POLD3: variants seen among roughly 807,000 people sequenced by gnomAD.
POLD3 encodes the protein DNA polymerase delta 3, accessory subunit.
A neutral mutation model predicts 58.2 loss-of-function variants in POLD3; 19 were observed. The ratio of observed to expected loss-of-function variants is 0.33; its 90% CI spans 0.23 to 0.48. POLD3 has a LOEUF of 0.48. Among genes scored for constraint, POLD3 ranks in the 20% least tolerant of loss-of-function variants. The pLI, the probability that POLD3 is intolerant of heterozygous loss-of-function variation, is 0.99. For missense variants in POLD3, 504 were observed against 545.5 expected (o/e 0.92, Z 0.76); for synonymous variants, 172 against 193.5 (o/e 0.89, Z 0.92).
intron 4 of POLD3, among the ~76,000 whole-genome samples, chr11:74,664,006 A>C (rs1443300993): frequency 6.6e-6 from 1 of 152,250 alleles, no homozygotes; most frequent in Non-Finnish European, 1.5e-5. Flanking sequence ...ATAAAGGAAG[A>C]TATACCAATG....
At position 74,642,650 on chromosome 11, in the gene POLD3, G is replaced by GGT. The variant is rs71036005; in HGVS notation, c.*1887_*1888dup. 57,412 of 979,284 alleles carry GGT rather than the reference G, an allele frequency of 0.059. 1,253 individuals carry two copies. The highest frequency in any genetic ancestry group is 0.17 in the South Asian group (3,516 of 20,930). The allele number at this position is 979,284 out of a possible 1,614,324, so 60.7% of individuals were successfully genotyped here. On this transcript the variant is annotated 3_prime_UTR_variant, in exon 12 of 12. Coordinates refer to ENST00000263681, the MANE Select transcript of POLD3 (RefSeq NM_006591.3). ...CTGCAAGGCTTAGTAAGTATTGAGT[G>GGT]GTGTTTTTTTTTTCTTTTTATACAA...
chr11:74,592,651 G>C lies in POLD3; in HGVS notation c.-8G>C, dbSNP rs376647679. ...GGGGTTAGAGGCGGGTCCCAGCGCT[G>C]CCGCACCATGGCGGACCAGCTTTAT... On this transcript the variant is annotated 5_prime_UTR_variant, in exon 1 of 12. Coordinates refer to ENST00000263681, the MANE Select transcript of POLD3 (RefSeq NM_006591.3). 3 of 1,609,388 alleles carry C rather than the reference G, an allele frequency of 1.9e-6. No homozygotes were observed. Among genetic ancestry groups the C allele is most frequent in the Non-Finnish European group, 1.7e-6 (2 of 1,177,794 alleles).
At position 74,613,002 on chromosome 11, in the gene POLD3, C is replaced by T; in HGVS notation, c.384C>T (p.Asn128=). The change falls in exon 5 of 12, where the codon AAC becomes AAT. Residue 128 remains asparagine (N), a synonymous_variant. Coordinates refer to ENST00000263681, the MANE Select transcript of POLD3 (RefSeq NM_006591.3). ...ACATCCTTAAAAGCAACTTGCAGAACTGCAGCAAGTAAGCGTCTTAATGTT... is the reference window on the plus strand; with the variant it reads ...ACATCCTTAAAAGCAACTTGCAGAATTGCAGCAAGTAAGCGTCTTAATGTT... The part of the protein sequence containing the change: ...DYDILKSNLQ[N]CSKFSAIQCA... The T allele has an allele frequency of 6.2e-7, 1 of 1,609,072 alleles. No individual in the cohort carries two copies. The highest frequency in any genetic ancestry group is 8.5e-7 in the Non-Finnish European group (1 of 1,178,532).
At position 74,649,285 on chromosome 11, in the gene POLD3, A is replaced by G. The variant is rs1755254301; in HGVS notation, c.369+13010A>G. Among the ~76,000 whole-genome samples the G allele has an allele frequency of 2.0e-5, 3 of 152,182 alleles. No homozygotes were observed. In the South Asian group the frequency reaches 6.2e-4, roughly 31 times the overall value. ...ATATACTTTATATCATTTGATCCGT[A>G]ACAACTTTGTGAGGTGTAGGTATCA... On this transcript the variant is annotated intron_variant, in intron 4 of 4. Transcript: ENST00000524752.
intron 8 of POLD3, among the ~76,000 whole-genome samples, chr11:74,626,708 A>C (rs912717096): frequency 6.6e-6 from 1 of 152,116 alleles, no homozygotes; most frequent in Admixed American, 6.6e-5. Context: ...GTCTTTATCA[A>C]GTTGCTGTGT....
Position 74,599,303 on chromosome 11 carries a change from A to C in POLD3, c.116+5187A>C, listed in dbSNP as rs192526286. Among the ~76,000 whole-genome samples the C allele has an allele frequency of 3.7e-3, 555 of 151,810 alleles. 2 individuals are homozygous for C. The highest frequency in any genetic ancestry group is 0.011 in the African/African-American group (463 of 41,364). On this transcript the variant is annotated intron_variant, in intron 2 of 11. Coordinates refer to ENST00000263681, the MANE Select transcript of POLD3 (RefSeq NM_006591.3). ...TGCCTCAGCCTCCCAAAGTGCTGAG[A>C]TTATAGGCATGAGCCACCATGCTCG...
In POLD3 at chr11:74,629,229, A is replaced by G; in HGVS notation, c.912A>G (p.Val304=). Residue 304 remains valine (V), a synonymous_variant, in exon 9 of 12, where the codon GTA becomes GTG. Transcript: ENST00000263681. The part of the protein sequence containing the change: ...LQKEKKRGKR[V]ALSDDETKET... ...TGGATGGCAACAGGGGGAAGCGAGT[A>G]GCATTATCTGATGATGAGACAAAGG... 1 of 1,596,574 alleles carries G rather than the reference A, an allele frequency of 6.3e-7. No homozygotes were observed. The highest frequency in any genetic ancestry group is 8.6e-7 in the Non-Finnish European group (1 of 1,168,866).
chr11:74,655,658 C>CAAA, intron 4 of POLD3, among the ~76,000 whole-genome samples: 1 of 133,470 alleles, frequency 7.5e-6, no homozygotes. Context: ...TATATTTGAC[C>CAAA]AAAAAAAAAA....
chr11:74,599,245 T>G (rs1193417185), intron 2 of POLD3, among the ~76,000 whole-genome samples: 2 of 152,168 alleles, frequency 1.3e-5, no homozygotes, highest in African/African-American at 2.4e-5. Flanking sequence ...TTGACCAGGC[T>G]GGTCTTGAAC....
At chr11:74,633,202 A>G (rs1197499721) in intron 9 of POLD3, among the ~76,000 whole-genome samples, 1 of 152,096 alleles carries the variant, frequency 6.6e-6, no homozygotes, top group African/African-American at 2.4e-5. Flanking sequence ...CACATCTACC[A>G]TTGTGGCCCA....
At chr11:74,594,215 C>G in intron 2 of POLD3, 99 bp downstream of exon 2, 1 of 739,626 alleles carries the variant, frequency 1.4e-6, no homozygotes, top group Non-Finnish European at 2.4e-6. Context: ...TAGATTAGAG[C>G]TAATTTGGTT....
chr11:74,659,906 C>G (rs1265990442), intron 4 of POLD3, among the ~76,000 whole-genome samples: 1 of 152,210 alleles, frequency 6.6e-6, no homozygotes, highest in African/African-American at 2.4e-5. Flanking sequence ...TTACCGAGTT[C>G]CAAACTCACT....
intron 4 of POLD3, among the ~76,000 whole-genome samples, chr11:74,658,372 G>A (rs2033163438): frequency 6.6e-6 from 1 of 152,162 alleles, no homozygotes; most frequent in Non-Finnish European, 1.5e-5. Context: ...TGAGATTTGG[G>A]TGGGGACACA....
At position 74,634,659 on chromosome 11, in the gene POLD3, A is replaced by G; in HGVS notation, c.1083A>G (p.Pro361=). The G allele has an allele frequency of 6.2e-7, 1 of 1,612,560 alleles. No homozygotes were observed. Reference sequence around the variant, plus strand: ...CTCCTCCGTCTCCACCTCTTGAACCAGTGCCAAAGACTGAGCCTGAACCTC... The same window carrying G: ...CTCCTCCGTCTCCACCTCTTGAACCGGTGCCAAAGACTGAGCCTGAACCTC... ...PPPPPSPPLE[P]VPKTEPEPPS... The change falls in exon 10 of 12, where the codon CCA becomes CCG. Residue 361 remains proline (P), a synonymous_variant. Transcript: ENST00000263681.
At chr11:74,643,979 T>C (rs2032969089), downstream of POLD3, among the ~76,000 whole-genome samples, 1 of 152,248 alleles carries the variant, frequency 6.6e-6, no homozygotes, top group Non-Finnish European at 1.5e-5. Context: ...CATAGATTTC[T>C]GTAGCAGAAT....
Position 74,641,005 on chromosome 11 carries a change from G to A in POLD3, c.*239G>A. On this transcript the variant is annotated 3_prime_UTR_variant, in exon 12 of 12. Transcript: ENST00000263681. Reference sequence around the variant, plus strand: ...ATTTAAAAAGCACAGTCTTTGACCTGTCCAGGAGAAGGATTTACTCCAAAA... The same window carrying A: ...ATTTAAAAAGCACAGTCTTTGACCTATCCAGGAGAAGGATTTACTCCAAAA... 1.7e-6 allele frequency: 2 copies of A among 1,166,684 alleles called. No individual in the cohort carries two copies. The highest frequency in any genetic ancestry group is 2.1e-6 in the Non-Finnish European group (2 of 947,010). 72.3% of individuals were successfully genotyped at this position (1,166,684 alleles called of 1,614,324 possible). A position where few individuals can be genotyped will look rare whatever the true frequency, so the allele number is the denominator to read the frequency against.
intron 4 of POLD3, among the ~76,000 whole-genome samples, chr11:74,665,284 A>G (rs1480570861): frequency 1.4e-5 from 2 of 143,880 alleles, no homozygotes; most frequent in African/African-American, 5.0e-5. Flanking sequence ...AGATTGTGCC[A>G]CTGCACCCCA....
chr11:74,663,464 C>A (rs757482574), intron 4 of POLD3, among the ~76,000 whole-genome samples: 1 of 152,180 alleles, frequency 6.6e-6, no homozygotes, highest in Non-Finnish European at 1.5e-5. Flanking sequence ...CATTTGATTT[C>A]TAGACTTACA....
intron 4 of POLD3, among the ~76,000 whole-genome samples, chr11:74,651,812 A>G (rs1176218812): frequency 1.3e-5 from 2 of 152,222 alleles, no homozygotes; most frequent in African/African-American, 4.8e-5. Context: ...ATGGTTCAGA[A>G]CCTTGTCGGC....
Sources: gnomAD v4.1 joint callset for allele counts (sites outside exome capture counted in the v4.1 genomes callset) on GRCh38, gnomAD v4.1.1 for gene constraint, MANE v1.5 for transcripts, NCBI Gene and HGNC (gene_info 2026-07-23, HGNC 2026-07-21) for gene names.